The following CUL1 variants were observed in gnomAD, a reference collection of about 807,000 sequenced individuals.
The protein encoded by CUL1 is cullin-1.
Under a neutral mutation model 118.0 loss-of-function variants are expected in CUL1, and 24 were observed. That is an observed-to-expected ratio of 0.20 (90% confidence interval 0.15 to 0.29). The LOEUF (loss-of-function observed/expected upper bound fraction) is 0.29. Ranked by LOEUF, CUL1 falls within the 10% of genes least tolerant of loss-of-function variation. The pLI is 1.00. For missense variants in CUL1, 361 were observed against 933.8 expected (o/e 0.39, Z 7.99); for synonymous variants, 332 against 340.4 (o/e 0.98, Z 0.27).
intron 1 of CUL1, among the ~76,000 whole-genome samples, chr7:148,712,194 A>G (rs939040795): frequency 1.3e-5 from 2 of 152,228 alleles, no homozygotes; most frequent in African/African-American, 2.4e-5. Context: ...GGCTTTTCCA[A>G]AGTCAGTGGG....
intron 14 of CUL1, 133 bp downstream of exon 14, chr7:148,788,807 T>A: frequency 1.5e-6 from 1 of 680,578 alleles, no homozygotes. Context: ...GGGAGATTCC[T>A]CCCAAATGCC....
intron 17 of CUL1, among the ~76,000 whole-genome samples, chr7:148,793,296 T>G (rs1584823097): frequency 1.3e-5 from 2 of 152,234 alleles, no homozygotes; most frequent in African/African-American, 4.8e-5. Context: ...ATATTTTTTA[T>G]TGAGATATAT....
chr7:148,729,068 G>A (rs1037172996), intron 1 of CUL1, among the ~76,000 whole-genome samples: 1 of 152,144 alleles, frequency 6.6e-6, no homozygotes, highest in Non-Finnish European at 1.5e-5. Context: ...CTTAAATTAT[G>A]TCTGTGATAC....
chr7:148,792,185 C>CAAAAAAAA (rs11340035), intron 16 of CUL1, among the ~76,000 whole-genome samples: 1 of 143,724 alleles, frequency 7.0e-6, no homozygotes. Context: ...GACTTTGTCT[C>CAAAAAAAA]AAAAAAAAAA....
chr7:148,797,994 A>G lies in CUL1; in HGVS notation c.2005A>G (p.Ile669Val). 1 of 1,606,718 alleles carries G rather than the reference A, an allele frequency of 6.2e-7. No individual in the cohort carries two copies. Among genetic ancestry groups the G allele is most frequent in the Middle Eastern group, 1.8e-4 (1 of 5,476 alleles). The change falls in exon 19 of 22, where the codon ATA becomes GTA. Residue 669 changes from isoleucine (I) to valine (V), a missense_variant. Around this residue, in one of 7 missense-constraint regions of CUL1, gnomAD observed 84 missense variants for 203.3 expected, o/e 0.41. Transcript: ENST00000325222. Reference protein sequence around the residue: ...DEVELKPDTLIKLYLGYKNKK... With the variant: ...DEVELKPDTLVKLYLGYKNKK... ...GGTGGAATTGAAGCCAGATACCTTA[A>G]TAAAATTATATCTTGGTTATAAAAA...
intron 2 of CUL1, among the ~76,000 whole-genome samples, chr7:148,731,024 G>C (rs191945009): frequency 6.6e-6 from 1 of 151,998 alleles, no homozygotes; most frequent in Admixed American, 6.6e-5. Context: ...TATGTTGCCC[G>C]GGCTGTGGCC....
At chr7:148,730,498 A>T (rs6464923) in intron 2 of CUL1, among the ~76,000 whole-genome samples, 18,873 of 152,174 alleles carry the variant, frequency 0.12, 1,770 homozygotes, top group African/African-American at 0.26. Context: ...TACATTTGAA[A>T]TATTTTAAAG....
At chr7:148,797,911 G>A (rs1801262696) in intron 18 of CUL1, 26 bp from the exon 19 acceptor site, 4 of 1,610,590 alleles carry the variant, frequency 2.5e-6, no homozygotes, top group African/African-American at 2.7e-5. Context: ...TCCTGAGATT[G>A]TAGAGTAACA....
chr7:148,700,181 G>C (rs995059515), intron 1 of CUL1, among the ~76,000 whole-genome samples: 1 of 152,220 alleles, frequency 6.6e-6, no homozygotes, highest in African/African-American at 2.4e-5. Context: ...TGTTTGCTCT[G>C]TGTAATTGCT....
chr7:148,778,095 A>AAAAAAAAAG (rs1800473793), intron 9 of CUL1, among the ~76,000 whole-genome samples: 1 of 80,740 alleles, frequency 1.2e-5, no homozygotes, highest in Non-Finnish European at 2.2e-5. Flanking sequence ...AAAAAAAAAA[A>AAAAAAAAAG]AAGAAGAAGA....
intron 1 of CUL1, among the ~76,000 whole-genome samples, chr7:148,716,823 TGATA>T (rs1798229198): frequency 6.6e-6 from 1 of 152,220 alleles, no homozygotes; most frequent in African/African-American, 2.4e-5. Flanking sequence ...TGTCCCCTAC[TGATA>T]GATTTGGGGC....
intron 9 of CUL1, among the ~76,000 whole-genome samples, chr7:148,778,156 A>T (rs2129461971): frequency 6.8e-6 from 1 of 147,562 alleles, no homozygotes; most frequent in Non-Finnish European, 1.5e-5. Context: ...TTTTTGTCTC[A>T]GTATTTTAAA....
chr7:148,799,193 C>A, intron 20 of CUL1, 82 bp from the exon 21 acceptor site: 1 of 1,041,880 alleles, frequency 9.6e-7, no homozygotes, highest in Non-Finnish European at 1.5e-6. Flanking sequence ...CGTCGGCAGC[C>A]TCTGTGCAGC....
chr7:148,792,676 C>G, intron 16 of CUL1, 50 bp from the exon 17 acceptor site: 2 of 1,347,200 alleles, frequency 1.5e-6, no homozygotes, highest in Non-Finnish European at 2.1e-6. Context: ...GGAGGTGTTT[C>G]CATGCATGTA....
intron 1 of CUL1, among the ~76,000 whole-genome samples, chr7:148,700,940 C>T (rs1176658546): frequency 6.6e-6 from 1 of 152,144 alleles, no homozygotes; most frequent in Non-Finnish European, 1.5e-5. Flanking sequence ...CATGCCTGAG[C>T]TGATTCTGCA....
At chr7:148,793,344 T>C (rs1267259984) in intron 17 of CUL1, among the ~76,000 whole-genome samples, 11 of 152,226 alleles carry the variant, frequency 7.2e-5, no homozygotes, top group Non-Finnish European at 1.2e-4. Flanking sequence ...AAAAGTCATT[T>C]TAAAGTGTAC....
rs549290549 is a variant in CUL1, at chr7:148,759,707, G to T, written c.625+69G>T. On this transcript the variant is annotated intron_variant, in intron 6 of 21. Transcript: ENST00000325222. ...TGGCAATTACAACAATGCTCTAACA[G>T]ATGTCATTTTTAAAATATTTTAATA... 16 of 727,532 alleles carry T rather than the reference G, an allele frequency of 2.2e-5. No homozygotes were observed. The Admixed American group carries it at 3.7e-4, about 17-fold the overall frequency. The allele number at this position is 727,532 out of a possible 1,614,324, so 45.1% of individuals were successfully genotyped here. A position where few individuals can be genotyped will look rare whatever the true frequency, so the allele number is the denominator to read the frequency against.
intron 9 of CUL1, 42 bp downstream of exon 9, chr7:148,767,791 C>G: frequency 6.3e-7 from 1 of 1,598,250 alleles, no homozygotes; most frequent in Non-Finnish European, 8.5e-7. Flanking sequence ...CTGATTATTT[C>G]CACATGCGAA....
chr7:148,763,866 T>C (rs1256776984), intron 7 of CUL1, among the ~76,000 whole-genome samples: 1 of 152,210 alleles, frequency 6.6e-6, no homozygotes, highest in Non-Finnish European at 1.5e-5. Flanking sequence ...CAAGAAATAC[T>C]CTGCAAATTC....
Sources: gnomAD v4.1 joint callset for allele counts (sites outside exome capture counted in the v4.1 genomes callset) on GRCh38, gnomAD v4.1.1 for gene constraint, gnomAD v4.1.1 regional missense constraint, MANE v1.5 for transcripts, NCBI Gene and HGNC (gene_info 2026-07-23, HGNC 2026-07-21) for gene names.